Variants in FRMPD2 observed in about 807,000 individuals in gnomAD.
FRMPD2 encodes FERM and PDZ domain-containing protein 2.
FRMPD2 carries 96 observed loss-of-function variants against 140.1 expected under a neutral mutation model. The ratio of observed to expected loss-of-function variants is 0.69; its 90% CI spans 0.58 to 0.81. The LOEUF is 0.81. FRMPD2 is among the 40% of genes least tolerant of loss of function. The probability of loss-of-function intolerance (pLI) is 0.00; values close to 1 mark genes in which losing one functional copy is unlikely to be tolerated. For missense variants in FRMPD2, 1,240 were observed against 1,447.4 expected (o/e 0.86, Z 2.32); for synonymous variants, 449 against 547.6 (o/e 0.82, Z 2.52).
intron 3 of FRMPD2, among the ~76,000 whole-genome samples, chr10:48,248,141 C>A (rs879156726): frequency 6.6e-6 from 1 of 152,212 alleles, no homozygotes; most frequent in Non-Finnish European, 1.5e-5. Context: ...TTCACATCTG[C>A]ACTTTTCTCA....
rs535234403 is a variant in FRMPD2 at position 48,266,385 on chromosome 10, A to G, written c.25+8158T>C. On this transcript the variant is annotated intron_variant, in intron 1 of 28. Coordinates refer to ENST00000374201, the MANE Select transcript of FRMPD2 (RefSeq NM_001018071.4). The stretch of plus-strand genomic sequence containing the variant: ...ACCTAAAATAAAAGTTTAAAAAGTA[A>G]AATAAAAAATAAAAACTTCTAATAT... 3.3e-5 allele frequency among the ~76,000 whole-genome samples: 5 copies of G among 152,354 alleles called. No individual in the cohort carries two copies. The South Asian group carries it at 1.0e-3, about 32-fold the overall frequency.
rs114450184 is a variant in FRMPD2 at position 48,263,546 on chromosome 10, G to A, written c.25+10997C>T. Among the ~76,000 whole-genome samples the A allele has an allele frequency of 2.2e-3, 342 of 152,194 alleles. 1 individual carries two copies. The highest frequency in any genetic ancestry group is 7.8e-3 in the African/African-American group (324 of 41,540). On this transcript the variant is annotated intron_variant, in intron 1 of 28. Transcript: ENST00000374201. Reference sequence around the variant, plus strand: ...ATATGCCCACAAATGTAATGACTTAGATGAAACGGACCAATTCCTTGAAAG... The same window carrying A: ...ATATGCCCACAAATGTAATGACTTAAATGAAACGGACCAATTCCTTGAAAG...
intron 10 of FRMPD2, among the ~76,000 whole-genome samples, chr10:48,229,558 A>C (rs1198177273): frequency 6.6e-6 from 1 of 152,182 alleles, no homozygotes; most frequent in African/African-American, 2.4e-5. Flanking sequence ...CATGGGAAAC[A>C]TTATCCAATA....
chr10:48,239,958 A>G (rs537438210), intron 6 of FRMPD2, among the ~76,000 whole-genome samples: 1 of 152,140 alleles, frequency 6.6e-6, no homozygotes, highest in East Asian at 1.9e-4. Flanking sequence ...TAATTTTTTT[A>G]AAAAAAGCTC....
At position 48,239,705 on chromosome 10, in the gene FRMPD2, C is replaced by T. The variant is rs766932656; in HGVS notation, c.701-13G>A. 6.8e-6 allele frequency: 11 copies of T among 1,607,584 alleles called. No homozygotes were observed. Among genetic ancestry groups the T allele is most frequent in the Non-Finnish European group, 9.4e-6 (11 of 1,174,586 alleles). On this transcript the variant is annotated splice_polypyrimidine_tract_variant and intron_variant, in intron 6 of 28. Coordinates refer to ENST00000374201, the MANE Select transcript of FRMPD2 (RefSeq NM_001018071.4). ...CTTCTTTCTGAAACTAATCAAGCAGCATGGTAGAGGGTATGGGCAGAAGCC... is the reference window on the plus strand; with the variant it reads ...CTTCTTTCTGAAACTAATCAAGCAGTATGGTAGAGGGTATGGGCAGAAGCC...
In FRMPD2 at chr10:48,251,548, C is replaced by A; in HGVS notation, c.151+18G>T. On this transcript the variant is annotated intron_variant, in intron 2 of 28. Coordinates refer to ENST00000374201, the MANE Select transcript of FRMPD2 (RefSeq NM_001018071.4). ...ATACAACTCCCTGTGATTTGACTGC[C>A]CCCAAACACTCTCTTACCGTTGCGG... 6.2e-7 allele frequency: 1 copy of A among 1,612,078 alleles called. No homozygotes were observed. The highest frequency in any genetic ancestry group is 1.1e-5 in the South Asian group (1 of 91,058).
chr10:48,213,756 A>C (rs1839384856), intron 12 of FRMPD2, among the ~76,000 whole-genome samples: 1 of 152,208 alleles, frequency 6.6e-6, no homozygotes, highest in South Asian at 2.1e-4. Flanking sequence ...TCATAACTAT[A>C]TGATATTCTG....
At chr10:48,270,265 C>T (rs1254614847) in intron 1 of FRMPD2, among the ~76,000 whole-genome samples, 1 of 152,082 alleles carries the variant, frequency 6.6e-6, no homozygotes, top group East Asian at 1.9e-4. Context: ...CGCTCAGTGC[C>T]CATGAGGTGG....
At chr10:48,182,905 C>T (rs761193240) in intron 20 of FRMPD2, among the ~76,000 whole-genome samples, 3 of 152,226 alleles carry the variant, frequency 2.0e-5, no homozygotes, top group African/African-American at 4.8e-5. Flanking sequence ...GATTGCTGAA[C>T]CACTGCAGAA....
At chr10:48,233,486 C>T (rs1177149260) in intron 9 of FRMPD2, among the ~76,000 whole-genome samples, 1 of 152,158 alleles carries the variant, frequency 6.6e-6, no homozygotes, top group Non-Finnish European at 1.5e-5. Flanking sequence ...AGGTCTGACC[C>T]GCTTCTTTCC....
intron 12 of FRMPD2, among the ~76,000 whole-genome samples, chr10:48,219,523 T>C (rs2131897690): frequency 6.6e-6 from 1 of 152,264 alleles, no homozygotes; most frequent in South Asian, 2.1e-4. Context: ...TCGGTCTCTG[T>C]TGAGGTCTGT....
chr10:48,237,877 C>T (rs1840005824), intron 8 of FRMPD2, 114 bp downstream of exon 8: 1 of 1,271,834 alleles, frequency 7.9e-7, no homozygotes, highest in Non-Finnish European at 1.1e-6. Flanking sequence ...TAAACCTCAG[C>T]CCAGGGAAGT....
At chr10:48,243,186 G>A (rs1225561724) in intron 4 of FRMPD2, among the ~76,000 whole-genome samples, 1 of 152,166 alleles carries the variant, frequency 6.6e-6, no homozygotes, top group Non-Finnish European at 1.5e-5. Context: ...CCTGCCTTCA[G>A]GAAAATAATG....
At chr10:48,250,047 C>T (rs769079878) in intron 2 of FRMPD2, among the ~76,000 whole-genome samples, 5 of 152,244 alleles carry the variant, frequency 3.3e-5, no homozygotes, top group Middle Eastern at 6.8e-3. Flanking sequence ...ACCTCAAGGC[C>T]GGAACTTGAC....
intron 22 of FRMPD2, among the ~76,000 whole-genome samples, chr10:48,176,714 T>C (rs1276101648): frequency 3.9e-5 from 6 of 152,190 alleles, no homozygotes; most frequent in Admixed American, 3.9e-4. Flanking sequence ...AGATGAAAAA[T>C]AGCTATGTTT....
chr10:48,240,262 T>A, intron 6 of FRMPD2, 98 bp downstream of exon 6: 1 of 1,355,874 alleles, frequency 7.4e-7, no homozygotes, highest in Non-Finnish European at 1.0e-6. Context: ...ATAGGCTTTC[T>A]CTGCCATCAC....
intron 24 of FRMPD2, among the ~76,000 whole-genome samples, chr10:48,173,401 C>T (rs1339660424): frequency 7.9e-5 from 12 of 151,852 alleles, no homozygotes; most frequent in Non-Finnish European, 1.6e-4. Context: ...ATTGGCTCAC[C>T]CCACCATTAA....
intron 19 of FRMPD2, 41 bp from the exon 20 acceptor site, chr10:48,184,723 A>T (rs746867618): frequency 1.3e-6 from 2 of 1,595,814 alleles, no homozygotes; most frequent in Non-Finnish European, 1.7e-6. Context: ...CAAGGAAATA[A>T]AAAAGAGTGG....
intron 27 of FRMPD2, among the ~76,000 whole-genome samples, chr10:48,164,073 T>A (rs1385926458): frequency 6.6e-6 from 1 of 150,732 alleles, no homozygotes; most frequent in Non-Finnish European, 1.5e-5. Flanking sequence ...AAGGTGATGT[T>A]CTTTCCTGGG....
Sources: allele counts gnomAD v4.1 joint callset (sites outside exome capture counted in the v4.1 genomes callset), GRCh38; gene constraint gnomAD v4.1.1; transcripts MANE v1.5; gene names NCBI Gene and HGNC (gene_info 2026-07-23, HGNC 2026-07-21).